Variants in TG observed in about 807,000 individuals in gnomAD.
The protein encoded by TG is thyroglobulin.
In TG, 270 loss-of-function variants were observed where a neutral mutation model predicts 324.7. The ratio of observed to expected loss-of-function variants is 0.83; its 90% CI spans 0.75 to 0.92. The LOEUF (loss-of-function observed/expected upper bound fraction) is 0.92, where lower values mean the gene tolerates loss of function less well. TG is among the 40% of genes least tolerant of loss of function. TG has a pLI of 0.00. For missense variants in TG, 3,591 were observed against 3,456.4 expected, an observed-to-expected ratio of 1.04 and a Z score of -0.98; for synonymous variants, 1,401 against 1,327.0, an observed-to-expected ratio of 1.06 and a Z score of -1.21.
intron 37 of TG, among the ~76,000 whole-genome samples, chr8:133,016,821 GATCA>G (rs1564076238): frequency 1.3e-5 from 2 of 152,206 alleles, no homozygotes; most frequent in African/African-American, 2.4e-5. Flanking sequence ...AAGTTTACCA[GATCA>G]ATCAATGAAT....
At chr8:132,991,854 C>T (rs1326005681) in intron 35 of TG, among the ~76,000 whole-genome samples, 1 of 152,100 alleles carries the variant, frequency 6.6e-6, no homozygotes, top group African/African-American at 2.4e-5. Flanking sequence ...TGGCAGCCCC[C>T]TGGACCTCTT....
chr8:132,934,135 C>T, intron 24 of TG, among the ~76,000 whole-genome samples: 1 of 152,118 alleles, frequency 6.6e-6, no homozygotes, highest in Non-Finnish European at 1.5e-5. Context: ...GAGTTCGACA[C>T]CAGCCTGGCC....
chr8:132,877,932 T>A (rs1814068385), intron 5 of TG, among the ~76,000 whole-genome samples: 1 of 151,166 alleles, frequency 6.6e-6, no homozygotes, highest in African/African-American at 2.4e-5. Context: ...CTTCCTCCTT[T>A]CTTCTGATAT....
chr8:133,027,498 G>A lies in TG; in HGVS notation c.7037-2323G>A, dbSNP rs1836210706. Among the ~76,000 whole-genome samples the A allele has an allele frequency of 2.0e-5, 3 of 152,314 alleles. 1 individual carries two copies. In the South Asian group the frequency reaches 6.2e-4, roughly 32 times the overall value. On this transcript the variant is annotated intron_variant, in intron 40 of 47. Coordinates refer to ENST00000220616, the MANE Select transcript of TG (RefSeq NM_003235.5). ...CCTGAGGATGAGAAGAACTGGAGCTGAGACACACAGACTGCAGCAGAGGGG... is the reference window on the plus strand; with the variant it reads ...CCTGAGGATGAGAAGAACTGGAGCTAAGACACACAGACTGCAGCAGAGGGG...
chr8:132,964,374 G>A (rs1029436225), intron 29 of TG, among the ~76,000 whole-genome samples: 2 of 152,066 alleles, frequency 1.3e-5, no homozygotes, highest in Non-Finnish European at 2.9e-5. Flanking sequence ...TCAGTTGATT[G>A]CATTCCTGGG....
intron 43 of TG, among the ~76,000 whole-genome samples, chr8:133,101,639 G>C (rs1179314756): frequency 6.6e-6 from 1 of 152,204 alleles, no homozygotes; most frequent in Non-Finnish European, 1.5e-5. Flanking sequence ...ACCAACACCT[G>C]TTTGTTTAGT....
chr8:133,072,447 TG>T (rs1200343087), intron 41 of TG, among the ~76,000 whole-genome samples: 1 of 152,024 alleles, frequency 6.6e-6, no homozygotes, highest in Non-Finnish European at 1.5e-5. Context: ...GATGGATAGA[TG>T]GATAGATAGA....
chr8:132,916,011 A>G (rs374217592), intron 20 of TG, among the ~76,000 whole-genome samples: 186 of 152,174 alleles, frequency 1.2e-3, no homozygotes, highest in African/African-American at 4.3e-3. Flanking sequence ...CCTTACTAAC[A>G]TTTTACTGTC....
In TG at chr8:133,057,704, A is replaced by G. The variant is rs1841696726; in HGVS notation, c.7239+27681A>G. On this transcript the variant is annotated intron_variant, in intron 41 of 47. Coordinates refer to ENST00000220616, the MANE Select transcript of TG (RefSeq NM_003235.5). ...AAGTCCTGCTTCCTTTTGTAGGTTT[A>G]AGACATTAGTTCCTGAGAAATTGAC... is the stretch of plus-strand genomic sequence containing the variant. Among the ~76,000 whole-genome samples, 4 of 152,098 alleles carry G rather than the reference A, an allele frequency of 2.6e-5. No individual in the cohort carries two copies. In the South Asian group the frequency reaches 8.3e-4, roughly 31 times the overall value.
At chr8:133,000,888 AAC>A (rs1273300896) in intron 35 of TG, among the ~76,000 whole-genome samples, 2 of 152,130 alleles carry the variant, frequency 1.3e-5, no homozygotes, top group Non-Finnish European at 2.9e-5. Flanking sequence ...TAGCTTCAAC[AAC>A]AGACATCATC....
Position 133,022,045 on chromosome 8 carries a change from A to G in TG, c.6931A>G (p.Ser2311Gly), listed in dbSNP as rs1166985345. The change falls in exon 40 of 48, where the codon AGT becomes GGT. Residue 2311 changes from serine (S) to glycine (G), a missense_variant. Physicochemically the swap from Ser to Gly is moderately conservative, Grantham distance 56. Transcript: ENST00000220616. Reference protein sequence around the residue: ...FFHNTMDREESEGWPAIDGSF... With the variant: ...FFHNTMDREEGEGWPAIDGSF... ...CCACAACACCATGGACAGGGAGGAGAGTGAAGGATGGCCGGCTATCGACGG... is the reference window on the plus strand; with the variant it reads ...CCACAACACCATGGACAGGGAGGAGGGTGAAGGATGGCCGGCTATCGACGG... 10 of 1,614,132 alleles carry G rather than the reference A, an allele frequency of 6.2e-6. No homozygotes were observed. Among genetic ancestry groups the G allele is most frequent in the Non-Finnish European group, 8.5e-6 (10 of 1,180,028 alleles).
At chr8:132,869,672 C>T (rs897535059) in intron 2 of TG, 57 bp from the exon 3 acceptor site, 30 of 1,436,198 alleles carry the variant, frequency 2.1e-5, no homozygotes, top group African/African-American at 4.2e-5. Flanking sequence ...GAGTGGGAGC[C>T]GGCATGTGGC....
At chr8:132,868,437 C>T (rs1587151326) in intron 2 of TG, among the ~76,000 whole-genome samples, 1 of 151,936 alleles carries the variant, frequency 6.6e-6, no homozygotes, top group Admixed American at 6.6e-5. Flanking sequence ...GACAATCTGA[C>T]CAAGTGAACC....
chr8:133,132,559 C>T (rs538828775), intron 46 of TG, among the ~76,000 whole-genome samples: 1 of 152,352 alleles, frequency 6.6e-6, no homozygotes, highest in East Asian at 1.9e-4. Context: ...CTTTCCTCTT[C>T]ATGGTAGTTT....
intron 23 of TG, 62 bp from the exon 24 acceptor site, chr8:132,933,499 C>G: frequency 1.5e-6 from 2 of 1,368,014 alleles, no homozygotes; most frequent in Admixed American, 1.7e-5. Flanking sequence ...GGGGATGTGT[C>G]TGCTCTGCCC....
At chr8:133,107,982 C>CTTTTTCTTTTCCTCT (rs776375352) in intron 43 of TG, among the ~76,000 whole-genome samples, 1 of 134,122 alleles carries the variant, frequency 7.5e-6, no homozygotes, top group African/African-American at 2.8e-5. Flanking sequence ...TTCTTTTCTT[C>CTTTTTCTTTTCCTCT]TTTTTTTTTT....
chr8:132,898,579 C>G (rs1817465234), intron 13 of TG, among the ~76,000 whole-genome samples: 1 of 152,228 alleles, frequency 6.6e-6, no homozygotes, highest in South Asian at 2.1e-4. Context: ...CAGCCCCAAC[C>G]CCTCTTCTGA....
chr8:133,008,697 G>A (rs979274602), intron 35 of TG, among the ~76,000 whole-genome samples: 1 of 152,192 alleles, frequency 6.6e-6, no homozygotes, highest in Admixed American at 6.5e-5. Flanking sequence ...CACTTAATTA[G>A]CCATGCTAAC....
intron 41 of TG, among the ~76,000 whole-genome samples, chr8:133,082,617 G>A (rs570265231): frequency 1.8e-4 from 27 of 152,240 alleles, no homozygotes; most frequent in Admixed American, 9.2e-4. Context: ...GCTTCCCCAC[G>A]TCACCGGAGT....
Sources: gnomAD v4.1 joint callset for allele counts (sites outside exome capture counted in the v4.1 genomes callset) on GRCh38, gnomAD v4.1.1 for gene constraint, MANE v1.5 for transcripts, NCBI Gene and HGNC (gene_info 2026-07-23, HGNC 2026-07-21) for gene names.